The following UST variants were observed in gnomAD, a reference collection of about 807,000 sequenced individuals.
The protein encoded by UST is chondroitin sulfate 2-O-sulfotransferase.
In UST, 21 loss-of-function variants were observed where a neutral mutation model predicts 45.6. The observed-to-expected ratio is 0.46, with a 90% CI of 0.33 to 0.66. The LOEUF (loss-of-function observed/expected upper bound fraction) is 0.66. Among genes scored for constraint, UST ranks in the 30% least tolerant of loss-of-function variants. The pLI is 0.02. For missense variants in UST, 463 were observed against 512.4 expected (o/e 0.90, Z 0.93); for synonymous variants, 215 against 200.6 (o/e 1.07, Z -0.61).
intron 2 of UST, among the ~76,000 whole-genome samples, chr6:148,905,495 C>T (rs747729557): frequency 2.2e-4 from 33 of 152,218 alleles, no homozygotes; most frequent in Non-Finnish European, 2.5e-4. Context: ...TGGACCTTCC[C>T]CTCTGCCTTT....
intron 4 of UST, among the ~76,000 whole-genome samples, chr6:148,963,316 G>A (rs1161210421): frequency 1.3e-5 from 2 of 152,168 alleles, no homozygotes; most frequent in African/African-American, 4.8e-5. Context: ...GAGGCCATAG[G>A]GCTAGAGAAC....
intron 5 of UST, among the ~76,000 whole-genome samples, chr6:149,008,288 G>A (rs553570720): frequency 6.6e-6 from 1 of 152,266 alleles, no homozygotes; most frequent in African/African-American, 2.4e-5. Flanking sequence ...ACAGGGATTT[G>A]CAATCAGTAT....
intron 4 of UST, among the ~76,000 whole-genome samples, chr6:148,963,264 GA>G (rs1780705651): frequency 1.3e-5 from 2 of 152,144 alleles, no homozygotes; most frequent in Admixed American, 1.3e-4. Context: ...AGTTCTTTCT[GA>G]CCCCTGACAG....
intron 2 of UST, among the ~76,000 whole-genome samples, chr6:148,933,285 G>T (rs1779956630): frequency 6.6e-6 from 1 of 152,072 alleles, no homozygotes; most frequent in African/African-American, 2.4e-5. Flanking sequence ...CATCCCAATA[G>T]TCTAGTCTAT....
intron 1 of UST, among the ~76,000 whole-genome samples, chr6:148,817,521 T>C (rs1777379004): frequency 6.6e-6 from 1 of 152,040 alleles, no homozygotes; most frequent in South Asian, 2.1e-4. Context: ...AAGAAATACA[T>C]TGGTTGGGTT....
intron 5 of UST, among the ~76,000 whole-genome samples, chr6:149,000,918 T>C (rs1344246897): frequency 5.3e-5 from 8 of 151,874 alleles, no homozygotes; most frequent in Admixed American, 5.2e-4. Context: ...CAGAAACAGA[T>C]AGACAGATAG....
At chr6:149,064,582 T>C (rs1275117264) in intron 7 of UST, among the ~76,000 whole-genome samples, 2 of 152,184 alleles carry the variant, frequency 1.3e-5, no homozygotes, top group African/African-American at 4.8e-5. Context: ...GAAGATGATA[T>C]TGGGCACACC....
rs367676872 is a variant in UST at position 148,992,066 on chromosome 6, C to T, written c.682-27073C>T. 2.2e-4 allele frequency among the ~76,000 whole-genome samples: 34 copies of T among 152,256 alleles called. 1 individual carries two copies. Among genetic ancestry groups the T allele is most frequent in the Middle Eastern group, 3.4e-3 (1 of 294 alleles). On this transcript the variant is annotated intron_variant, in intron 5 of 7. Transcript: ENST00000367463. ...CCATGACCTGTGGAACAGTTTGGTC[C>T]ACCGTCTGCATTCTTGTGAATGAGC...
chr6:148,910,586 A>G (rs752965836), intron 2 of UST, among the ~76,000 whole-genome samples: 1 of 152,144 alleles, frequency 6.6e-6, no homozygotes, highest in Non-Finnish European at 1.5e-5. Flanking sequence ...AAAGTTAGCA[A>G]ATCAACTCAG....
intron 7 of UST, among the ~76,000 whole-genome samples, chr6:149,059,781 G>A (rs1446805668): frequency 6.6e-6 from 1 of 152,182 alleles, no homozygotes; most frequent in Non-Finnish European, 1.5e-5. Context: ...GTAGTGTGGA[G>A]TTGAATCCCC....
chr6:148,828,916 A>G (rs1231397644), intron 1 of UST, among the ~76,000 whole-genome samples: 1 of 152,214 alleles, frequency 6.6e-6, no homozygotes, highest in Non-Finnish European at 1.5e-5. Context: ...CCATTTGAAT[A>G]AGTCAGCTGA....
At chr6:148,914,625 C>T (rs556959273) in intron 2 of UST, among the ~76,000 whole-genome samples, 8 of 152,220 alleles carry the variant, frequency 5.3e-5, no homozygotes, top group African/African-American at 1.4e-4. Flanking sequence ...TAAGAGTTCA[C>T]GCTCCTATGA....
chr6:148,992,835 G>C (rs1781381506), intron 5 of UST: 1 of 215,752 alleles, frequency 4.6e-6, no homozygotes, highest in Non-Finnish European at 7.9e-6. Flanking sequence ...CAATACTTGA[G>C]GGAATCTTAA....
chr6:148,939,430 A>AC (rs1381066883), intron 2 of UST, among the ~76,000 whole-genome samples: 2 of 152,180 alleles, frequency 1.3e-5, no homozygotes, highest in East Asian at 3.8e-4. Flanking sequence ...GGAGGGACTT[A>AC]CCCTTCCCTT....
At chr6:148,865,664 TTGTGTGTGTGTGTGTGTGTGTG>T (rs56252604) in intron 1 of UST, among the ~76,000 whole-genome samples, 16 of 117,848 alleles carry the variant, frequency 1.4e-4, no homozygotes, top group South Asian at 3.2e-4. Context: ...CTTGCTGAAA[TTGTGTGTGTGTGTGTGTGTGTG>T]TGTGTGTGTG....
intron 5 of UST, among the ~76,000 whole-genome samples, chr6:148,965,425 G>A (rs1244116869): frequency 6.6e-6 from 1 of 152,158 alleles, no homozygotes; most frequent in Non-Finnish European, 1.5e-5. Flanking sequence ...TCGGGCACAA[G>A]CAGGAAAGTA....
chr6:148,944,270 C>T (rs893442115), intron 3 of UST, among the ~76,000 whole-genome samples: 48 of 152,216 alleles, frequency 3.2e-4, no homozygotes, highest in African/African-American at 1.1e-3. Context: ...ACTTCAGGTG[C>T]AGTATGACTT....
intron 1 of UST, among the ~76,000 whole-genome samples, chr6:148,772,005 C>T (rs1418759196): frequency 6.6e-6 from 1 of 151,858 alleles, no homozygotes; most frequent in Non-Finnish European, 1.5e-5. Flanking sequence ...TTTTTTTTTC[C>T]CCAGAAATGG....
At chr6:148,916,498 C>A (rs765515787) in intron 2 of UST, among the ~76,000 whole-genome samples, 1 of 152,174 alleles carries the variant, frequency 6.6e-6, no homozygotes, top group Non-Finnish European at 1.5e-5. Flanking sequence ...GTGCAGACAT[C>A]GTTCTGGATC....
Sources: allele counts gnomAD v4.1 joint callset (sites outside exome capture counted in the v4.1 genomes callset), GRCh38; gene constraint gnomAD v4.1.1; transcripts MANE v1.5; gene names NCBI Gene and HGNC (gene_info 2026-07-23, HGNC 2026-07-21).